The following SPAG16 variants were observed in gnomAD, a reference collection of about 807,000 sequenced individuals.
SPAG16 encodes the protein sperm-associated antigen 16 protein.
In SPAG16, 86 loss-of-function variants were observed where a neutral mutation model predicts 80.4. The observed-to-expected ratio is 1.07, with a 90% CI of 0.90 to 1.28. SPAG16 has a LOEUF of 1.28. SPAG16 is among the 50% of genes most tolerant of loss of function. The pLI, the probability that SPAG16 is intolerant of heterozygous loss-of-function variation, is 0.00. For missense variants in SPAG16, 870 were observed against 765.3 expected (o/e 1.14, Z -1.61); for synonymous variants, 294 against 265.9 (o/e 1.11, Z -1.03).
intron 10 of SPAG16, among the ~76,000 whole-genome samples, chr2:213,751,102 T>C (rs1053722317): frequency 6.7e-4 from 102 of 152,144 alleles, no homozygotes; most frequent in African/African-American, 2.4e-3. Context: ...CAATTAACAA[T>C]AATATATTTT....
At chr2:214,019,074 G>GGT (rs57433486) in intron 13 of SPAG16, among the ~76,000 whole-genome samples, 1 of 151,738 alleles carries the variant, frequency 6.6e-6, no homozygotes, top group Non-Finnish European at 1.5e-5. Flanking sequence ...CTTCAAAGTT[G>GGT]AAGACTATTT....
intron 15 of SPAG16, among the ~76,000 whole-genome samples, chr2:214,408,807 AATGCTAGCTCCTTCT>A (rs1702141415): frequency 6.6e-6 from 1 of 152,134 alleles, no homozygotes; most frequent in Non-Finnish European, 1.5e-5. Context: ...GCTGTGATTA[AATGCTAGCTCCTTCT>A]ATACCTAGGG....
intron 15 of SPAG16, among the ~76,000 whole-genome samples, chr2:214,304,596 A>ACT (rs1273349168): frequency 1.3e-5 from 2 of 151,954 alleles, no homozygotes; most frequent in African/African-American, 4.8e-5. Context: ...AGGGCTCTCA[A>ACT]CTCTGAAGGC....
At chr2:214,059,222 G>GTGTATATATATA (rs1553706195) in intron 13 of SPAG16, among the ~76,000 whole-genome samples, 13 of 121,482 alleles carry the variant, frequency 1.1e-4, no homozygotes, top group African/African-American at 4.1e-4. Flanking sequence ...ATATGTATGT[G>GTGTATATATATA]TATATATATA....
rs564721212 is a variant in SPAG16, at chr2:213,365,600, G to A, written c.832+1455G>A. On this transcript the variant is annotated intron_variant, in intron 8 of 15. Coordinates refer to ENST00000331683, the MANE Select transcript of SPAG16 (RefSeq NM_024532.5). ...AGCCTCTCCAGTAGCTGGGACTACA[G>A]GCATGTGCCACCATGACTGGCTAAT... Among the ~76,000 whole-genome samples, 33 of 151,832 alleles carry A rather than the reference G, an allele frequency of 2.2e-4. No homozygotes were observed. In the South Asian group the frequency reaches 4.2e-3, roughly 19 times the overall value.
At chr2:213,612,893 G>T (rs894232179) in intron 10 of SPAG16, among the ~76,000 whole-genome samples, 1 of 151,958 alleles carries the variant, frequency 6.6e-6, no homozygotes, top group African/African-American at 2.4e-5. Context: ...GGCTGGTCTC[G>T]AACTCCTGAC....
At chr2:213,913,898 AC>A (rs1234694587) in intron 11 of SPAG16, among the ~76,000 whole-genome samples, 2 of 151,940 alleles carry the variant, frequency 1.3e-5, no homozygotes, top group East Asian at 3.9e-4. Context: ...TTATTTGGGG[AC>A]CTTAGTGTTT....
At chr2:213,710,643 G>T (rs1006346736) in intron 10 of SPAG16, among the ~76,000 whole-genome samples, 1 of 152,166 alleles carries the variant, frequency 6.6e-6, no homozygotes, top group Non-Finnish European at 1.5e-5. Context: ...TAGTAACATG[G>T]CTTTTCCCCC....
chr2:213,937,468 T>A (rs1467739421), intron 12 of SPAG16, among the ~76,000 whole-genome samples: 1 of 152,048 alleles, frequency 6.6e-6, no homozygotes, highest in Non-Finnish European at 1.5e-5. Context: ...CCTCTTGTGA[T>A]CAATTTCTCC....
At position 214,010,298 on chromosome 2, in the gene SPAG16, G is replaced by T. The variant is rs895192307; in HGVS notation, c.1401-3653G>T. On this transcript the variant is annotated intron_variant, in intron 12 of 15. Transcript: ENST00000331683. Reference sequence around the variant, plus strand: ...ATTAAAAATGAAAAAAATAAGAATTGTAGAGAAAATATTAAACGTAAAGGC... The same window carrying T: ...ATTAAAAATGAAAAAAATAAGAATTTTAGAGAAAATATTAAACGTAAAGGC... Among the ~76,000 whole-genome samples, 10 of 146,008 alleles carry T rather than the reference G, an allele frequency of 6.8e-5. 3 individuals are homozygous for T. The highest frequency in any genetic ancestry group is 2.7e-4 in the African/African-American group (10 of 37,190).
Position 213,284,478 on chromosome 2 carries a change from C to T in SPAG16, c.-6C>T, listed in dbSNP as rs2126035625. On this transcript the variant is annotated 5_prime_UTR_variant, in exon 1 of 16. Coordinates refer to ENST00000331683, the MANE Select transcript of SPAG16 (RefSeq NM_024532.5). ...CTGCTGGGGGTGGGGGCCCGAAGCG[C>T]CAGAGATGGCTGCTCAGCGAGGGAT... 6.4e-7 allele frequency: 1 copy of T among 1,562,140 alleles called. No individual in the cohort carries two copies. The highest frequency in any genetic ancestry group is 1.4e-5 in the African/African-American group (1 of 74,004).
chr2:213,944,310 A>G (rs2079347218), intron 12 of SPAG16, among the ~76,000 whole-genome samples: 1 of 152,236 alleles, frequency 6.6e-6, no homozygotes, highest in African/African-American at 2.4e-5. Context: ...GCAGAGCATC[A>G]TCAAGTCAAG....
chr2:213,768,731 G>T (rs1445056272), intron 10 of SPAG16, among the ~76,000 whole-genome samples: 4 of 152,164 alleles, frequency 2.6e-5, no homozygotes, highest in Non-Finnish European at 4.4e-5. Flanking sequence ...TGGGTGTGTG[G>T]CTCAGGAGAA....
At chr2:213,397,412 T>A (rs1464613988) in intron 9 of SPAG16, among the ~76,000 whole-genome samples, 11 of 152,198 alleles carry the variant, frequency 7.2e-5, no homozygotes, top group Non-Finnish European at 4.4e-5. Flanking sequence ...CCCTCCTTCA[T>A]GAACATACCC....
chr2:214,380,063 C>A (rs914780020), intron 15 of SPAG16, among the ~76,000 whole-genome samples: 1 of 152,108 alleles, frequency 6.6e-6, no homozygotes, highest in African/African-American at 2.4e-5. Context: ...TGACCCCTGG[C>A]AAATCACTAG....
chr2:213,888,641 G>A (rs1460867637), intron 11 of SPAG16, among the ~76,000 whole-genome samples: 1 of 151,758 alleles, frequency 6.6e-6, no homozygotes, highest in African/African-American at 2.4e-5. Context: ...AATAATGATA[G>A]AGCTGGAAAA....
At chr2:213,620,832 G>A (rs927981739) in intron 10 of SPAG16, among the ~76,000 whole-genome samples, 2 of 151,830 alleles carry the variant, frequency 1.3e-5, no homozygotes, top group Non-Finnish European at 2.9e-5. Context: ...TTTAATTTTT[G>A]CTTATGATAA....
intron 11 of SPAG16, among the ~76,000 whole-genome samples, chr2:213,927,305 C>T (rs2078525922): frequency 6.6e-6 from 1 of 152,224 alleles, no homozygotes; most frequent in South Asian, 2.1e-4. Flanking sequence ...ATAACATTCA[C>T]TTGTGCTCTT....
At chr2:213,495,980 A>G (rs1426273780) in intron 10 of SPAG16, among the ~76,000 whole-genome samples, 1 of 152,190 alleles carries the variant, frequency 6.6e-6, no homozygotes, top group Non-Finnish European at 1.5e-5. Flanking sequence ...CATGGTAAAG[A>G]GGACTTTGAA....
Sources: allele counts gnomAD v4.1 joint callset (sites outside exome capture counted in the v4.1 genomes callset), GRCh38; gene constraint gnomAD v4.1.1; transcripts MANE v1.5; gene names NCBI Gene and HGNC (gene_info 2026-07-23, HGNC 2026-07-21).